The following MDN1 variants were observed in gnomAD, a reference collection of about 807,000 sequenced individuals.
MDN1 encodes the protein midasin.
Under a neutral mutation model 669.2 loss-of-function variants are expected in MDN1, and 266 were observed. That is an observed-to-expected ratio of 0.40 (90% CI 0.36 to 0.44). The LOEUF (loss-of-function observed/expected upper bound fraction) is 0.44. Ranked by LOEUF, MDN1 falls within the 20% of genes least tolerant of loss-of-function variation. The pLI is 1.00. For synonymous variants in MDN1, 2,385 were observed against 2,457.1 expected, an observed-to-expected ratio of 0.97 and a Z score of 0.87; for missense variants, 5,940 against 6,754.0, an observed-to-expected ratio of 0.88 and a Z score of 4.22.
Position 89,688,864 on chromosome 6 carries a change from A to G in MDN1, c.11024-56T>C, listed in dbSNP as rs1584193767. On this transcript the variant is annotated intron_variant, in intron 65 of 101. Transcript: ENST00000369393. ...GAATTCAGTAAGTTGATCTATCAAC[A>G]TGTCAAAAAGATGTCAGCAACAGGG... 5 of 1,449,394 alleles carry G rather than the reference A, an allele frequency of 3.4e-6. 1 individual carries two copies. The East Asian group carries it at 1.2e-4, about 34-fold the overall frequency. The allele number at this position is 1,449,394 out of a possible 1,614,324, so 89.8% of individuals were successfully genotyped here.
At chr6:89,806,823 G>A (rs1375106907) in intron 1 of MDN1, among the ~76,000 whole-genome samples, 1 of 151,900 alleles carries the variant, frequency 6.6e-6, no homozygotes, top group South Asian at 2.1e-4. Flanking sequence ...GGAGAGTGAG[G>A]AGAGGATCAC....
chr6:89,775,324 T>C (rs1367560968), intron 12 of MDN1, among the ~76,000 whole-genome samples: 1 of 152,228 alleles, frequency 6.6e-6, no homozygotes, highest in Non-Finnish European at 1.5e-5. Context: ...GGTGGTTTCA[T>C]TCTTCTTTCT....
At chr6:89,772,973 C>G (rs1156770220) in intron 13 of MDN1, among the ~76,000 whole-genome samples, 1 of 152,170 alleles carries the variant, frequency 6.6e-6, no homozygotes, top group African/African-American at 2.4e-5. Context: ...GACAAGACTA[C>G]CTGTACTAGT....
chr6:89,807,314 T>A lies in MDN1; in HGVS notation c.103-3760A>T, dbSNP rs1768085479. Among the ~76,000 whole-genome samples the A allele has an allele frequency of 2.0e-5, 3 of 152,152 alleles. No individual in the cohort carries two copies. The South Asian group carries it at 6.2e-4, about 31-fold the overall frequency. ...ATTGCCCAGGCTGGTCTCGAACTCC[T>A]GGGCTCAAGAGATCCACCTACCTAA... On this transcript the variant is annotated intron_variant, in intron 1 of 101. Coordinates refer to ENST00000369393, the MANE Select transcript of MDN1 (RefSeq NM_014611.3).
At chr6:89,808,511 A>G (rs1768159266) in intron 1 of MDN1, among the ~76,000 whole-genome samples, 1 of 152,078 alleles carries the variant, frequency 6.6e-6, no homozygotes, top group Admixed American at 6.6e-5. Flanking sequence ...CTACACAGAA[A>G]AACTCCAGTA....
Position 89,689,806 on chromosome 6 carries a change from G to T in MDN1, c.11023+64C>A, listed in dbSNP as rs1317823806. 3 of 1,534,270 alleles carry T rather than the reference G, an allele frequency of 2.0e-6. No homozygotes were observed. The Admixed American group carries it at 5.6e-5, about 28-fold the overall frequency. On this transcript the variant is annotated intron_variant, in intron 65 of 101. Coordinates refer to ENST00000369393, the MANE Select transcript of MDN1 (RefSeq NM_014611.3). Reference sequence around the variant, plus strand: ...TCATGAGTGTGATTGTTACAGAGTAGCAACAGCATCTATTTGCATTTGCTT... The same window carrying T: ...TCATGAGTGTGATTGTTACAGAGTATCAACAGCATCTATTTGCATTTGCTT...
Position 89,714,652 on chromosome 6 carries a change from G to C in MDN1, c.6960C>G (p.Thr2320=). ...GAACTTTCAAATCCAGGTTGTCTGG[G>C]GTGCTTGCATCCCCTTCCCCTGAAA... ...IYISGEGDAS[T]PDNLDLKVLL... is the part of the protein sequence containing the mutation. Residue 2320 remains threonine, a synonymous_variant, in exon 46 of 102, where the codon ACC becomes ACG. Transcript: ENST00000369393. The C allele has an allele frequency of 1.9e-6, 3 of 1,614,016 alleles. 1 individual carries two copies. The South Asian group carries it at 3.3e-5, about 18-fold the overall frequency.
chr6:89,778,754 T>C (rs773515917), intron 11 of MDN1, among the ~76,000 whole-genome samples: 1 of 151,446 alleles, frequency 6.6e-6, no homozygotes. Flanking sequence ...GGTGTGGTGG[T>C]GGGCGCCTGT....
chr6:89,751,709 G>A, intron 22 of MDN1, 127 bp from the exon 23 acceptor site: 1 of 939,146 alleles, frequency 1.1e-6, no homozygotes, highest in Non-Finnish European at 1.5e-6. Context: ...CATTAAAACT[G>A]GATGAAATAT....
In MDN1 at chr6:89,645,069, G is replaced by C; in HGVS notation, c.16548C>G (p.Ala5516=). The change falls in exon 101 of 102, where the codon GCC becomes GCG. Residue 5516 remains alanine, a synonymous_variant. Coordinates refer to ENST00000369393, the MANE Select transcript of MDN1 (RefSeq NM_014611.3). The part of the protein sequence containing the change: ...KERVLAAVQA[A]RNANIFVIFV... Reference sequence around the variant, plus strand: ...AGATGACAAAGATATTTGCATTCCGGGCAGCCTGAACTGCTGCCAGGACTC... The same window carrying C: ...AGATGACAAAGATATTTGCATTCCGCGCAGCCTGAACTGCTGCCAGGACTC... 6.2e-7 allele frequency: 1 copy of C among 1,610,672 alleles called. No homozygotes were observed. The highest frequency in any genetic ancestry group is 1.1e-5 in the South Asian group (1 of 90,920).
intron 2 of MDN1, among the ~76,000 whole-genome samples, chr6:89,799,626 T>C (rs1334551197): frequency 2.0e-5 from 3 of 152,100 alleles, no homozygotes; most frequent in East Asian, 3.9e-4. Context: ...GAAGTTGCAG[T>C]GAGCCAAGAC....
intron 41 of MDN1, 45 bp from the exon 42 acceptor site, chr6:89,719,075 T>A (rs372961983): frequency 3.4e-5 from 55 of 1,613,488 alleles, no homozygotes; most frequent in Non-Finnish European, 4.2e-5. Flanking sequence ...TGCCTGGTAG[T>A]GGGAGCAGAA....
At position 89,689,909 on chromosome 6, in the gene MDN1, T is replaced by G. The variant is rs755317127; in HGVS notation, c.10984A>C (p.Thr3662Pro). 5.0e-6 allele frequency: 8 copies of G among 1,614,066 alleles called. No individual in the cohort carries two copies. The highest frequency in any genetic ancestry group is 1.3e-5 in the African/African-American group (1 of 74,924). Residue 3662 changes from threonine to proline, a missense_variant, in exon 65 of 102, where the codon ACT becomes CCT. By Grantham distance (38) the Thr-to-Pro change is conservative (BLOSUM62 -1). Transcript: ENST00000369393. ...AAGTGTGTCACAAGCGATGCCCCAGTCTGATAGCAAGACAGAAACAGGCTG... is the reference window on the plus strand; with the variant it reads ...AAGTGTGTCACAAGCGATGCCCCAGGCTGATAGCAAGACAGAAACAGGCTG... ...YLSLFLSCYQ[T>P]GASLVTHFYP... is the part of the protein sequence containing the mutation.
rs572022755 is a variant in MDN1, at chr6:89,736,348, G to A, written c.4723+1978C>T. ...CACTGGTGATGCAGCAAGCATGGTC[G>A]TGACAGCAACTGAACCCTCTGTCAT... On this transcript the variant is annotated intron_variant, in intron 33 of 101. Transcript: ENST00000369393. 2.5e-4 allele frequency among the ~76,000 whole-genome samples: 38 copies of A among 152,316 alleles called. 1 individual carries two copies. Among genetic ancestry groups the A allele is most frequent in the African/African-American group, 7.5e-4 (31 of 41,582 alleles).
chr6:89,754,168 G>T lies in MDN1; in HGVS notation c.2879C>A (p.Pro960His), dbSNP rs765790060. 16 of 1,614,148 alleles carry T rather than the reference G, an allele frequency of 9.9e-6. No homozygotes were observed. The highest frequency in any genetic ancestry group is 1.3e-5 in the African/African-American group (1 of 75,054). Residue 960 changes from proline to histidine, a missense_variant, in exon 21 of 102, where the codon CCT becomes CAT. Pro to His is a moderately conservative substitution (Grantham distance 77). This residue lies in a region of MDN1 where 1,203 missense variants were observed against 1,268.9 expected (regional missense o/e 0.95). Transcript: ENST00000369393. Reference sequence around the variant, plus strand: ...GCACAGAGTCCGAAGGCTGTAGTGAGGTCTATGGCCAGTGCCATCCACCAG... The same window carrying T: ...GCACAGAGTCCGAAGGCTGTAGTGATGTCTATGGCCAGTGCCATCCACCAG... ...TKLVDGTGHR[P>H]HYSLRTLCRA...
At chr6:89,717,068 G>GT (rs1814425139) in intron 43 of MDN1, among the ~76,000 whole-genome samples, 2 of 152,172 alleles carry the variant, frequency 1.3e-5, no homozygotes, top group South Asian at 4.1e-4. Context: ...TGATTTTTCT[G>GT]TATTACGGTT....
chr6:89,763,269 G>A (rs746152801), intron 15 of MDN1, among the ~76,000 whole-genome samples: 2 of 145,010 alleles, frequency 1.4e-5, no homozygotes, highest in African/African-American at 2.6e-5. Context: ...TTAGGAAAAC[G>A]AAGAGTAGGA....
At chr6:89,708,721 T>C in intron 50 of MDN1, 93 bp from the exon 51 acceptor site, 1 of 1,367,930 alleles carries the variant, frequency 7.3e-7, no homozygotes, top group African/African-American at 1.4e-5. Context: ...TGTTTTACTT[T>C]GAGCACATTG....
At chr6:89,670,638 C>T (rs778376875) in intron 83 of MDN1, among the ~76,000 whole-genome samples, 33 of 152,026 alleles carry the variant, frequency 2.2e-4, no homozygotes, top group Non-Finnish European at 4.1e-4. Flanking sequence ...TGTTAACAGA[C>T]GGCAGCAGCT....
Sources: allele counts gnomAD v4.1 joint callset (sites outside exome capture counted in the v4.1 genomes callset), GRCh38; gene constraint gnomAD v4.1.1; regional missense constraint gnomAD v4.1.1; transcripts MANE v1.5; gene names NCBI Gene and HGNC (gene_info 2026-07-23, HGNC 2026-07-21).